The following TMTC4 variants were observed in gnomAD, a reference collection of about 807,000 sequenced individuals.
TMTC4 encodes protein O-mannosyl-transferase TMTC4.
In TMTC4, 65 loss-of-function variants were observed where a neutral mutation model predicts 86.0. The observed-to-expected ratio is 0.76, with a 90% CI of 0.62 to 0.93. The LOEUF is 0.93. TMTC4 is among the 40% of genes least tolerant of loss of function. The pLI is 0.00. For synonymous variants in TMTC4, 379 were observed against 382.5 expected (o/e 0.99, Z 0.11); for missense variants, 866 against 948.1 (o/e 0.91, Z 1.14).
chr13:100,656,636 T>A (rs974609702), intron 5 of TMTC4, among the ~76,000 whole-genome samples, 168 bp from the exon 6 acceptor site: 1 of 144,590 alleles, frequency 6.9e-6, no homozygotes, highest in African/African-American at 2.6e-5. Context: ...TCAACCCCCC[T>A]GGGCTCAAGC....
At chr13:100,668,332 T>C (rs1390056246) in intron 3 of TMTC4, 4 of 509,420 alleles carry the variant, frequency 7.9e-6, no homozygotes, top group East Asian at 6.8e-5. Context: ...CTTTGATCCA[T>C]ATGTGGACTG....
intron 6 of TMTC4, among the ~76,000 whole-genome samples, chr13:100,645,149 T>C (rs1266856925): frequency 6.6e-6 from 1 of 152,186 alleles, no homozygotes; most frequent in East Asian, 1.9e-4. Context: ...TTATCTCTTT[T>C]GCCTTCAGGA....
At chr13:100,607,921 G>A (rs749511591) in intron 17 of TMTC4, among the ~76,000 whole-genome samples, 35 of 152,112 alleles carry the variant, frequency 2.3e-4, no homozygotes, top group Non-Finnish European at 4.7e-4. Flanking sequence ...TCAAGACTCC[G>A]GCCATATCAG....
chr13:100,656,147 T>A lies in TMTC4; in HGVS notation c.640+234A>T, dbSNP rs550472319. Among the ~76,000 whole-genome samples the A allele has an allele frequency of 7.2e-5, 11 of 152,326 alleles. No individual in the cohort carries two copies. The East Asian group carries it at 1.9e-3, about 27-fold the overall frequency. On this transcript the variant is annotated intron_variant, in intron 6 of 18. Transcript: ENST00000342624. The stretch of plus-strand genomic sequence containing the variant: ...CTGCTGCTTCTGTTCTTGGTCTCAA[T>A]ACCTAATAGGATAGGCCACAGTGTG...
At chr13:100,656,533 G>A in intron 5 of TMTC4, 65 bp from the exon 6 acceptor site, 2 of 699,542 alleles carry the variant, frequency 2.9e-6, no homozygotes, top group Non-Finnish European at 4.3e-6. Flanking sequence ...CTAAACTTAG[G>A]AGACATAACT....
intron 17 of TMTC4, among the ~76,000 whole-genome samples, chr13:100,606,921 C>T (rs966772590): frequency 6.6e-5 from 10 of 152,102 alleles, no homozygotes; most frequent in African/African-American, 2.4e-4. Context: ...GAAGGAATGG[C>T]CACCTGTCAA....
intron 1 of TMTC4, among the ~76,000 whole-genome samples, chr13:100,672,187 C>G (rs1421432880): frequency 6.6e-6 from 1 of 152,190 alleles, no homozygotes. Context: ...CTCGGGCGCA[C>G]CCATGTTGCC....
intron 1 of TMTC4, chr13:100,674,405 G>T: frequency 8.5e-6 from 8 of 935,696 alleles, no homozygotes; most frequent in Non-Finnish European, 1.0e-5. Flanking sequence ...CGCCCGGGCC[G>T]AGGGAGCGCC....
At chr13:100,641,785 C>T (rs143291922) in intron 7 of TMTC4, among the ~76,000 whole-genome samples, 33 of 152,314 alleles carry the variant, frequency 2.2e-4, no homozygotes, top group Middle Eastern at 6.8e-3. Flanking sequence ...TGGCGCCCGG[C>T]CCTGTTCCTT....
chr13:100,618,071 C>T (rs904738185), intron 15 of TMTC4, among the ~76,000 whole-genome samples: 5 of 152,178 alleles, frequency 3.3e-5, no homozygotes, highest in African/African-American at 9.7e-5. Context: ...AGCTGAATTC[C>T]CAGGTATTTT....
intron 1 of TMTC4, chr13:100,673,364 T>C: frequency 1.0e-6 from 1 of 985,300 alleles, no homozygotes; most frequent in African/African-American, 1.7e-5. Flanking sequence ...AGAAGAATAT[T>C]CCCCTCCATG....
chr13:100,635,652 T>A (rs1882116519), intron 10 of TMTC4: 1 of 153,160 alleles, frequency 6.5e-6, no homozygotes, highest in African/African-American at 2.4e-5. Context: ...AAGTTTAAAG[T>A]TTATGAAATT....
chr13:100,671,803 T>G (rs923005622), intron 1 of TMTC4, among the ~76,000 whole-genome samples: 10 of 151,340 alleles, frequency 6.6e-5, no homozygotes, highest in African/African-American at 2.4e-4. Flanking sequence ...TCACAAATGC[T>G]CTTTTCTTTG....
intron 12 of TMTC4, among the ~76,000 whole-genome samples, chr13:100,632,015 CCACACA>C (rs60522457): frequency 9.6e-4 from 95 of 99,342 alleles, no homozygotes; most frequent in African/African-American, 2.1e-3. Context: ...TAAGAGGAAA[CCACACA>C]CACACACACA....
At chr13:100,674,420 C>A in intron 1 of TMTC4, 1 of 918,374 alleles carries the variant, frequency 1.1e-6, no homozygotes, top group Non-Finnish European at 1.3e-6. Flanking sequence ...AGCGCCGGCG[C>A]GGCTGTGCAG....
intron 1 of TMTC4, among the ~76,000 whole-genome samples, chr13:100,673,539 T>C (rs1022830102): frequency 6.6e-6 from 1 of 152,240 alleles, no homozygotes; most frequent in African/African-American, 2.4e-5. Context: ...GGCAGTTTCC[T>C]GACTGATCAG....
At chr13:100,638,280 A>G (rs770562874) in intron 7 of TMTC4, 171 of 364,562 alleles carry the variant, frequency 4.7e-4, no homozygotes, top group Non-Finnish European at 7.7e-4. Flanking sequence ...GAGTTCTACA[A>G]GATTCAGGAT....
intron 17 of TMTC4, among the ~76,000 whole-genome samples, chr13:100,611,188 A>G (rs1222148280): frequency 6.6e-6 from 1 of 152,242 alleles, no homozygotes; most frequent in African/African-American, 2.4e-5. Flanking sequence ...AGTGATTGAA[A>G]TAAGATATAG....
chr13:100,647,576 T>A (rs1404092972), intron 6 of TMTC4, among the ~76,000 whole-genome samples: 1 of 152,254 alleles, frequency 6.6e-6, no homozygotes, highest in African/African-American at 2.4e-5. Context: ...GATTTTACAT[T>A]TCTGCCTAGA....
Sources: allele counts gnomAD v4.1 joint callset (sites outside exome capture counted in the v4.1 genomes callset), GRCh38; gene constraint gnomAD v4.1.1; transcripts MANE v1.5; gene names NCBI Gene and HGNC (gene_info 2026-07-23, HGNC 2026-07-21).